Variants in TAS2R1 observed in about 807,000 individuals in gnomAD.
The protein encoded by TAS2R1 is taste receptor type 2 member 1.
For missense variants in TAS2R1, 370 were observed against 353.4 expected (o/e 1.05, Z -0.38); for synonymous variants, 141 against 134.2 (o/e 1.05, Z -0.35).
chr5:9,804,631 G>T, the TAS2R1 span, among the ~76,000 whole-genome samples: 1 of 152,092 alleles, frequency 6.6e-6, no homozygotes. Flanking sequence ...TAAACAACCT[G>T]TTCCTGAATA....
intron 1 of TAS2R1, among the ~76,000 whole-genome samples, chr5:9,682,792 T>C (rs1370565585): frequency 6.6e-6 from 1 of 152,170 alleles, no homozygotes; most frequent in East Asian, 1.9e-4. Context: ...AATGCCTCAT[T>C]CAGCCTACAA....
At chr5:9,858,413 GC>G in the TAS2R1 span, among the ~76,000 whole-genome samples, 1 of 152,314 alleles carries the variant, frequency 6.6e-6, no homozygotes, top group Admixed American at 6.5e-5. Context: ...ATGCCGTGCT[GC>G]CTGAAGTTGG....
the TAS2R1 span, among the ~76,000 whole-genome samples, chr5:9,840,016 T>G: frequency 6.6e-6 from 1 of 152,190 alleles, no homozygotes; most frequent in African/African-American, 2.4e-5. Flanking sequence ...GGAAAATGAC[T>G]TTGAATGGGT....
chr5:9,647,131 A>G (rs1414180935), intron 2 of TAS2R1, among the ~76,000 whole-genome samples: 1 of 152,196 alleles, frequency 6.6e-6, no homozygotes, highest in Non-Finnish European at 1.5e-5. Context: ...AATTCAATAC[A>G]GTAAACTTAA....
At chr5:9,712,072 G>A (rs954872187) in intron 1 of TAS2R1, 1 of 148,116 alleles carries the variant, frequency 6.8e-6, no homozygotes, top group Non-Finnish European at 1.5e-5. Context: ...ATAGAAAGTG[G>A]GGTAACATCT....
chr5:9,755,891 A>G, the TAS2R1 span, among the ~76,000 whole-genome samples: 1 of 152,164 alleles, frequency 6.6e-6, no homozygotes, highest in Non-Finnish European at 1.5e-5. Flanking sequence ...TCTCATAGCC[A>G]TCTTGGTTTT....
the TAS2R1 span, among the ~76,000 whole-genome samples, chr5:9,857,855 G>T: frequency 6.6e-6 from 1 of 152,184 alleles, no homozygotes; most frequent in Admixed American, 6.5e-5. Flanking sequence ...ATACCACCTG[G>T]TATGGTTCAT....
chr5:9,664,184 C>T (rs1160544040), intron 1 of TAS2R1, among the ~76,000 whole-genome samples: 3 of 152,162 alleles, frequency 2.0e-5, no homozygotes, highest in Non-Finnish European at 4.4e-5. Context: ...TCTATATTGG[C>T]ACTCCCCAAC....
the TAS2R1 span, among the ~76,000 whole-genome samples, chr5:9,851,642 C>T: frequency 4.6e-5 from 7 of 151,964 alleles, no homozygotes; most frequent in South Asian, 1.5e-3. Flanking sequence ...GCACAGGATG[C>T]GGGGAAGCCA....
At chr5:9,750,179 C>T in the TAS2R1 span, among the ~76,000 whole-genome samples, 1 of 152,188 alleles carries the variant, frequency 6.6e-6, no homozygotes, top group Non-Finnish European at 1.5e-5. Flanking sequence ...GGCCTGGCTG[C>T]ACCCCTCTAC....
the TAS2R1 span, among the ~76,000 whole-genome samples, chr5:9,786,786 T>C: frequency 5.0e-3 from 762 of 152,326 alleles, 16 homozygotes; most frequent in Admixed American, 0.041. Flanking sequence ...TAACCTCCTT[T>C]ACTGAGCAAT....
At chr5:9,719,791 G>A in the TAS2R1 span, among the ~76,000 whole-genome samples, 9 of 151,772 alleles carry the variant, frequency 5.9e-5, no homozygotes, top group East Asian at 1.9e-4. Context: ...GGTGGCGGGC[G>A]CCTGTAGTAC....
At chr5:9,851,333 A>G in the TAS2R1 span, among the ~76,000 whole-genome samples, 1 of 152,280 alleles carries the variant, frequency 6.6e-6, no homozygotes, top group South Asian at 2.1e-4. Flanking sequence ...CAGTGGTGGG[A>G]GCAGCCAACA....
the TAS2R1 span, among the ~76,000 whole-genome samples, chr5:9,821,395 C>G: frequency 2.0e-5 from 3 of 152,186 alleles, no homozygotes; most frequent in Non-Finnish European, 4.4e-5. Flanking sequence ...AGCACAACCT[C>G]AAATCTGGAA....
the TAS2R1 span, among the ~76,000 whole-genome samples, chr5:9,874,809 G>C: frequency 2.0e-5 from 3 of 152,192 alleles, no homozygotes; most frequent in African/African-American, 7.2e-5. Context: ...TCTCAGTCAA[G>C]AAGAAAGATC....
At chr5:9,812,572 C>A in the TAS2R1 span, among the ~76,000 whole-genome samples, 1 of 151,992 alleles carries the variant, frequency 6.6e-6, no homozygotes, top group African/African-American at 2.4e-5. Context: ...GAATAGGGGA[C>A]CAAGAACAGA....
chr5:9,627,494 G>GA lies in TAS2R1; in HGVS notation c.*1638dup, dbSNP rs1259072026. On this transcript the variant is annotated 3_prime_UTR_variant, in exon 1 of 1. Transcript: ENST00000382492. ...GAAATAGAATCAGAATTTAGTATCA[G>GA]AAAAAAAAACACATGAGAGTTGTAT... Among the ~76,000 whole-genome samples, 8 of 149,818 alleles carry GA rather than the reference G, an allele frequency of 5.3e-5. No individual in the cohort carries two copies. The highest frequency in any genetic ancestry group is 3.4e-3 in the Middle Eastern group (1 of 294).
At chr5:9,751,760 C>G in the TAS2R1 span, among the ~76,000 whole-genome samples, 1 of 152,194 alleles carries the variant, frequency 6.6e-6, no homozygotes, top group African/African-American at 2.4e-5. Flanking sequence ...TGCACAAAAT[C>G]TTCTCCAAAG....
chr5:9,760,900 C>A, the TAS2R1 span: 3 of 152,046 alleles, frequency 2.0e-5, no homozygotes, highest in East Asian at 1.9e-4. Flanking sequence ...GAAAGAAAAC[C>A]CTCTTCGTCC....
Sources: allele counts gnomAD v4.1 joint callset (sites outside exome capture counted in the v4.1 genomes callset), GRCh38; gene constraint gnomAD v4.1.1; transcripts MANE v1.5; gene names NCBI Gene and HGNC (gene_info 2026-07-23, HGNC 2026-07-21).